The following AZIN2 variants were observed in gnomAD, a reference collection of about 807,000 sequenced individuals.
AZIN2 encodes the protein antizyme inhibitor 2, also known as ODC antizyme inhibitor-2.
A neutral mutation model predicts 47.8 loss-of-function variants in AZIN2; 28 were observed. That is an observed-to-expected ratio of 0.59 (90% CI 0.43 to 0.80). The LOEUF (loss-of-function observed/expected upper bound fraction) is 0.80, where lower values mean the gene tolerates loss of function less well. Among genes scored for constraint, AZIN2 ranks in the 30% least tolerant of loss-of-function variants. The pLI is 0.00. For missense variants in AZIN2, 535 were observed against 582.5 expected, an observed-to-expected ratio of 0.92 and a Z score of 0.84; for synonymous variants, 221 against 239.4, an observed-to-expected ratio of 0.92 and a Z score of 0.71.
intron 11 of AZIN2, 23 bp from the exon 12 acceptor site, chr1:33,120,021 C>G (rs766986841): frequency 1.2e-6 from 2 of 1,613,110 alleles, no homozygotes; most frequent in East Asian, 2.2e-5. Context: ...TGGCTACTTG[C>G]AGCACCCCTC....
At chr1:33,098,286 T>A (rs1643371889) in intron 10 of AZIN2, 107 bp downstream of exon 10, 3 of 790,674 alleles carry the variant, frequency 3.8e-6, no homozygotes, top group Non-Finnish European at 3.9e-6. Flanking sequence ...TTATTGTCGA[T>A]AATAGACAAC....
At chr1:33,126,705 C>T (rs979997798), downstream of AZIN2, among the ~76,000 whole-genome samples, 2 of 151,744 alleles carry the variant, frequency 1.3e-5, no homozygotes, top group African/African-American at 4.8e-5. Flanking sequence ...CAGGGAGGCA[C>T]GTAGGACCCC....
At chr1:33,098,283 C>T (rs1015390417) in intron 10 of AZIN2, 104 bp downstream of exon 10, 18 of 793,586 alleles carry the variant, frequency 2.3e-5, no homozygotes, top group Non-Finnish European at 3.3e-5. Flanking sequence ...TATTTATTGT[C>T]GATAATAGAC....
At chr1:33,116,987 G>A (rs1644574611) in intron 10 of AZIN2, among the ~76,000 whole-genome samples, 1 of 152,198 alleles carries the variant, frequency 6.6e-6, no homozygotes, top group Admixed American at 6.5e-5. Flanking sequence ...GGATCTGCCT[G>A]GCAAGATCCC....
the AZIN2 span, among the ~76,000 whole-genome samples, chr1:33,132,078 C>T: frequency 6.6e-6 from 1 of 152,188 alleles, no homozygotes. Context: ...TGACATCCCA[C>T]ATTCCAATTT....
chr1:33,134,374 C>G, the AZIN2 span, among the ~76,000 whole-genome samples: 4 of 152,224 alleles, frequency 2.6e-5, no homozygotes, highest in Non-Finnish European at 5.9e-5. Flanking sequence ...GAATTAAGTG[C>G]AGGTGGACTC....
intron 10 of AZIN2, among the ~76,000 whole-genome samples, chr1:33,107,590 AAAAC>A (rs572283765): frequency 9.7e-4 from 148 of 152,304 alleles, no homozygotes; most frequent in African/African-American, 3.0e-3. Flanking sequence ...AAAACAAAAC[AAAAC>A]AAACAAACAA....
chr1:33,140,506 C>T, the AZIN2 span, among the ~76,000 whole-genome samples: 1 of 152,188 alleles, frequency 6.6e-6, no homozygotes, highest in East Asian at 1.9e-4. This position sits in a 1 kb window ranked among gnomAD's most constrained non-coding sequence, Gnocchi z 4.0. Context: ...GGGGCTCAGC[C>T]TGCAGGGAGT....
At chr1:33,149,024 C>T in the AZIN2 span, among the ~76,000 whole-genome samples, 1 of 152,196 alleles carries the variant, frequency 6.6e-6, no homozygotes, top group African/African-American at 2.4e-5. Context: ...GTTCCCTCCA[C>T]CTCCTCCTCT....
At chr1:33,098,975 G>T (rs1328702845) in intron 10 of AZIN2, among the ~76,000 whole-genome samples, 2 of 151,630 alleles carry the variant, frequency 1.3e-5, no homozygotes, top group Non-Finnish European at 2.9e-5. Flanking sequence ...ATGTTGTCCA[G>T]GCTGGTCTCT....
At chr1:33,134,081 G>T in the AZIN2 span, among the ~76,000 whole-genome samples, 3 of 152,228 alleles carry the variant, frequency 2.0e-5, no homozygotes, top group Admixed American at 1.3e-4. Flanking sequence ...TCCGCATGTT[G>T]CCAGGCCTTC....
At chr1:33,166,724 C>A in the AZIN2 span, among the ~76,000 whole-genome samples, 18 of 152,036 alleles carry the variant, frequency 1.2e-4, no homozygotes, top group Non-Finnish European at 2.2e-4. Context: ...CATGATGACT[C>A]CTGCGATGAA....
chr1:33,158,463 G>A, the AZIN2 span: 2 of 949,066 alleles, frequency 2.1e-6, no homozygotes, highest in East Asian at 4.9e-5. Context: ...GCTGGCATAG[G>A]ATGTGGTCAT....
downstream of AZIN2, among the ~76,000 whole-genome samples, chr1:33,123,803 C>T (rs1356913973): frequency 2.0e-5 from 3 of 152,182 alleles, no homozygotes; most frequent in Non-Finnish European, 4.4e-5. Flanking sequence ...TTGAGACCAG[C>T]CTGGCCAAAA....
intron 10 of AZIN2, among the ~76,000 whole-genome samples, chr1:33,108,070 A>T (rs1644102411): frequency 6.6e-6 from 1 of 152,242 alleles, no homozygotes; most frequent in African/African-American, 2.4e-5. Context: ...CTGATTTCAA[A>T]ATATATACTA....
At chr1:33,094,861 A>C (rs1570002774) in intron 8 of AZIN2, 148 bp downstream of exon 8, 3 of 859,490 alleles carry the variant, frequency 3.5e-6, no homozygotes, top group East Asian at 2.7e-5. Context: ...CTGCTTATTA[A>C]CCCTGTGCTA....
At chr1:33,115,928 C>G (rs919481877) in intron 10 of AZIN2, among the ~76,000 whole-genome samples, 23 of 152,116 alleles carry the variant, frequency 1.5e-4, no homozygotes, top group African/African-American at 5.5e-4. Context: ...ATAGAGCATC[C>G]CCTCCACTCA....
At chr1:33,147,147 C>A in the AZIN2 span, 1 of 1,602,888 alleles carries the variant, frequency 6.2e-7, no homozygotes, top group South Asian at 1.1e-5. The surrounding 1 kb of genome is among the most constrained non-coding windows in gnomAD (Gnocchi z 8.1). Flanking sequence ...GGCAGTGGTC[C>A]CAGGAGGTTG....
At chr1:33,133,867 T>G in the AZIN2 span, among the ~76,000 whole-genome samples, 1 of 152,188 alleles carries the variant, frequency 6.6e-6, no homozygotes, top group Admixed American at 6.5e-5. Context: ...GTTTGGCACT[T>G]AGAAGGTGCT....
Sources: allele counts gnomAD v4.1 joint callset (sites outside exome capture counted in the v4.1 genomes callset), GRCh38; gene constraint gnomAD v4.1.1; non-coding constraint Gnocchi (gnomAD v3.1); transcripts MANE v1.5; gene names NCBI Gene and HGNC (gene_info 2026-07-23, HGNC 2026-07-21).